Variants in SPO11 observed in about 807,000 individuals in gnomAD.
SPO11 encodes the protein meiotic recombination protein SPO11.
In SPO11, 49 loss-of-function variants were observed where a neutral mutation model predicts 51.6. The ratio of observed to expected loss-of-function variants is 0.95; its 90% CI spans 0.75 to 1.20. The LOEUF (loss-of-function observed/expected upper bound fraction) is 1.20, where lower values mean the gene tolerates loss of function less well. SPO11 is among the 50% of genes most tolerant of loss of function. The probability of loss-of-function intolerance (pLI) is 0.00; values close to 1 mark genes in which losing one functional copy is unlikely to be tolerated. For synonymous variants in SPO11, 176 were observed against 158.2 expected (o/e 1.11, Z -0.84); for missense variants, 431 against 473.4 (o/e 0.91, Z 0.83).
Position 57,333,188 on chromosome 20 carries a change from G to T in SPO11, c.246G>T (p.Lys82Asn), listed in dbSNP as rs777754739. 15 of 1,598,474 alleles carry T rather than the reference G, an allele frequency of 9.4e-6. No individual in the cohort carries two copies. Among genetic ancestry groups the T allele is most frequent in the South Asian group, 4.6e-5 (4 of 87,346 alleles). The change falls in exon 3 of 13, where the codon AAG becomes AAT. Residue 82 changes from lysine to asparagine, a missense_variant and splice_region_variant. Transcript: ENST00000371263. ...TCCTTTGCTTTAAACAAAATGACAGGTTTGAAGATTCTGTGGGTCTTCAGA... is the reference window on the plus strand; with the variant it reads ...TCCTTTGCTTTAAACAAAATGACAGTTTTGAAGATTCTGTGGGTCTTCAGA... Reference protein sequence around the residue: ...IDNRSSWENIKFEDSVGLQMV... With the variant: ...IDNRSSWENINFEDSVGLQMV...
chr20:57,329,829 G>C lies in SPO11; in HGVS notation c.-39G>C, dbSNP rs749497675. The C allele has an allele frequency of 1.3e-6, 2 of 1,597,146 alleles. No homozygotes were observed. The highest frequency in any genetic ancestry group is 3.4e-5 in the Admixed American group (2 of 58,322). On this transcript the variant is annotated 5_prime_UTR_variant, in exon 1 of 13. Transcript: ENST00000371263. ...GCCACGCCCCAAGGGCGCAGCCTAG[G>C]ACAGGGGCTTCTGGAGCTTCTGGCA...
chr20:57,341,834 C>G (rs1450480324), intron 11 of SPO11, among the ~76,000 whole-genome samples: 1 of 152,118 alleles, frequency 6.6e-6, no homozygotes, highest in African/African-American at 2.4e-5. Flanking sequence ...AGCTGCATCT[C>G]ATAAATTCTA....
At chr20:57,331,384 T>G (rs574180169) in intron 1 of SPO11, among the ~76,000 whole-genome samples, 1 of 152,376 alleles carries the variant, frequency 6.6e-6, no homozygotes, top group East Asian at 1.9e-4. Flanking sequence ...AATTTTTGCA[T>G]TGCATTTTTG....
chr20:57,333,684 C>T lies in SPO11; in HGVS notation c.335-3C>T. 3.4e-6 allele frequency: 5 copies of T among 1,457,394 alleles called. No individual in the cohort carries two copies. The highest frequency in any genetic ancestry group is 1.4e-5 in the African/African-American group (1 of 71,204). 90.3% of individuals were successfully genotyped at this position (1,457,394 alleles called of 1,614,324 possible). A position where few individuals can be genotyped will look rare whatever the true frequency, so the allele number is the denominator to read the frequency against. ...AACTTGTTTGTTGAATTTTATTTTC[C>T]AGCTCTAATCCTTAAAATATTGTCC... On this transcript the variant is annotated splice_polypyrimidine_tract_variant and splice_region_variant and intron_variant, in intron 3 of 12. Coordinates refer to ENST00000371263, the MANE Select transcript of SPO11 (RefSeq NM_012444.3).
rs1209899411 is a variant in SPO11 at position 57,343,591 on chromosome 20, T to C, written c.*131T>C. On this transcript the variant is annotated 3_prime_UTR_variant, in exon 13 of 13. Transcript: ENST00000371263. ...AAAGTGAAATAAAATAACTTTCCGT[T>C]AATTATATATTTTTGTCAAAACAAA... 9.2e-7 allele frequency: 1 copy of C among 1,091,046 alleles called. No homozygotes were observed. The highest frequency in any genetic ancestry group is 1.2e-6 in the Non-Finnish European group (1 of 801,990). 67.6% of individuals were successfully genotyped at this position (1,091,046 alleles called of 1,614,324 possible). A position where few individuals can be genotyped will look rare whatever the true frequency, so the allele number is the denominator to read the frequency against.
intron 5 of SPO11, among the ~76,000 whole-genome samples, 178 bp from the exon 6 acceptor site, chr20:57,334,572 A>G (rs189975642): frequency 6.6e-6 from 1 of 152,308 alleles, no homozygotes. Flanking sequence ...AATGGACCAA[A>G]CTGATGAATT....
chr20:57,330,039 A>G (rs1161258965), intron 1 of SPO11, 41 bp downstream of exon 1: 2 of 1,529,588 alleles, frequency 1.3e-6, no homozygotes, highest in Admixed American at 2.0e-5. Context: ...GCCACTCTGT[A>G]GAAAAGTCGG....
At position 57,342,755 on chromosome 20, in the gene SPO11, T is replaced by G. The variant is rs767419409; in HGVS notation, c.986T>G (p.Ile329Ser). Residue 329 changes from isoleucine to serine, a missense_variant, in exon 12 of 13, where the codon ATT becomes AGT. By Grantham distance (142) the Ile-to-Ser change is moderately radical. Around this residue, in one of 3 missense-constraint regions of SPO11, gnomAD observed 405 missense variants for 425.9 expected, o/e 0.95. Transcript: ENST00000371263. Reference sequence around the variant, plus strand: ...TTAAATGTACCTAAAGATAGTTTGATTCCACTGACAAAAAGGGACCAAATG... The same window carrying G: ...TTAAATGTACCTAAAGATAGTTTGAGTCCACTGACAAAAAGGGACCAAATG... ...KRLNVPKDSL[I>S]PLTKRDQMKL... 1.2e-6 allele frequency: 2 copies of G among 1,613,306 alleles called. No homozygotes were observed. The highest frequency in any genetic ancestry group is 2.7e-5 in the African/African-American group (2 of 75,028).
intron 3 of SPO11, 133 bp from the exon 4 acceptor site, chr20:57,333,554 A>G (rs1181575233): frequency 3.0e-6 from 2 of 670,962 alleles, no homozygotes; most frequent in Admixed American, 5.9e-5. Flanking sequence ...ATTGTTCTGT[A>G]CTTAACCCTC....
intron 8 of SPO11, among the ~76,000 whole-genome samples, 163 bp from the exon 9 acceptor site, chr20:57,338,113 C>G (rs2146093357): frequency 6.6e-6 from 1 of 152,286 alleles, no homozygotes; most frequent in South Asian, 2.1e-4. Flanking sequence ...TCTCAAATTC[C>G]TGACCTCAGG....
At chr20:57,330,048 G>T in intron 1 of SPO11, 50 bp downstream of exon 1, 2 of 1,514,648 alleles carry the variant, frequency 1.3e-6, no homozygotes, top group Non-Finnish European at 1.8e-6. Context: ...TAGAAAAGTC[G>T]GGCGCTCTTC....
chr20:57,336,029 C>T (rs1286398644), intron 8 of SPO11, 122 bp downstream of exon 8: 1 of 597,480 alleles, frequency 1.7e-6, no homozygotes, highest in Non-Finnish European at 2.9e-6. Context: ...CCTTTGGGAT[C>T]ATAGAACGGG....
In SPO11 at chr20:57,329,853, C is replaced by T. The variant is rs199897475; in HGVS notation, c.-15C>T. 1.2e-6 allele frequency: 2 copies of T among 1,605,706 alleles called. No homozygotes were observed. The highest frequency in any genetic ancestry group is 1.3e-5 in the African/African-American group (1 of 74,766). On this transcript the variant is annotated 5_prime_UTR_variant, in exon 1 of 13. Transcript: ENST00000371263. ...GGACAGGGGCTTCTGGAGCTTCTGG[C>T]AGCCGTCTGCCCTCATGGCCTTTGC...
Position 57,343,330 on chromosome 20 carries a change from T to G in SPO11, c.1072-11T>G. ...AACTCTGGTATGAGTACATTTTACT[T>G]TTATTGACAGATGGAAATAATGGCA... On this transcript the variant is annotated splice_polypyrimidine_tract_variant and intron_variant, in intron 12 of 12. Coordinates refer to ENST00000371263, the MANE Select transcript of SPO11 (RefSeq NM_012444.3). 1.2e-6 allele frequency: 2 copies of G among 1,605,292 alleles called. No individual in the cohort carries two copies. Among genetic ancestry groups the G allele is most frequent in the Non-Finnish European group, 1.7e-6 (2 of 1,177,550 alleles).
chr20:57,338,864 A>G (rs1600685839), intron 9 of SPO11, 125 bp from the exon 10 acceptor site: 1 of 589,360 alleles, frequency 1.7e-6, no homozygotes, highest in Non-Finnish European at 3.1e-6. Context: ...TATTAAACTG[A>G]GAATGATAAA....
At chr20:57,335,633 G>A (rs2066503446) in intron 7 of SPO11, among the ~76,000 whole-genome samples, 165 bp from the exon 8 acceptor site, 1 of 152,126 alleles carries the variant, frequency 6.6e-6, no homozygotes, top group South Asian at 2.1e-4. Context: ...TCTAGTGGAA[G>A]AGACAGATAT....
At chr20:57,335,688 T>G (rs933961536) in intron 7 of SPO11, 110 bp from the exon 8 acceptor site, 35 of 734,416 alleles carry the variant, frequency 4.8e-5, no homozygotes, top group Non-Finnish European at 7.7e-5. Context: ...AGGTACAAAC[T>G]AAAATGTTGT....
rs2066474127 is a variant in SPO11 at position 57,333,534 on chromosome 20, T to A, written c.335-153T>A. 1.3e-5 allele frequency among the ~76,000 whole-genome samples: 2 copies of A among 152,236 alleles called. 1 individual carries two copies. The highest frequency in any genetic ancestry group is 1.3e-4 in the Admixed American group (2 of 15,288). ...CATAGAGCAATTAATTTTAACTGAT[T>A]CTGCAGGTAATTGTTCTGTACTTAA... On this transcript the variant is annotated intron_variant, in intron 3 of 12. Coordinates refer to ENST00000371263, the MANE Select transcript of SPO11 (RefSeq NM_012444.3).
In SPO11 at chr20:57,338,276, G is replaced by A; in HGVS notation, c.745G>A (p.Gly249Arg). The A allele has an allele frequency of 1.9e-6, 3 of 1,601,004 alleles. No homozygotes were observed. Among genetic ancestry groups the A allele is most frequent in the Non-Finnish European group, 1.7e-6 (2 of 1,169,950 alleles). Residue 249 changes from glycine (G) to arginine (R), a missense_variant and splice_region_variant, in exon 9 of 13, where the codon GGA becomes AGA. Transcript: ENST00000371263. ...NKLSPCIMIT[G>R]KGVPDLNTRL... Reference sequence around the variant, plus strand: ...TTCTTAATTTTCATCTTCCTTTTAGGGAAAGGGAGTTCCTGATCTAAACAC... The same window carrying A: ...TTCTTAATTTTCATCTTCCTTTTAGAGAAAGGGAGTTCCTGATCTAAACAC...
Sources: allele counts gnomAD v4.1 joint callset (sites outside exome capture counted in the v4.1 genomes callset), GRCh38; gene constraint gnomAD v4.1.1; regional missense constraint gnomAD v4.1.1; transcripts MANE v1.5; gene names NCBI Gene and HGNC (gene_info 2026-07-23, HGNC 2026-07-21).